Variants in HDAC11 observed in about 807,000 individuals in gnomAD.
HDAC11 encodes histone deacetylase 11.
In HDAC11, 23 loss-of-function variants were observed where a neutral mutation model predicts 41.1. The observed-to-expected ratio is 0.56, with a 90% CI of 0.40 to 0.79. HDAC11 has a LOEUF of 0.79. Among genes scored for constraint, HDAC11 ranks in the 30% least tolerant of loss-of-function variants. The pLI is 0.00. For synonymous variants in HDAC11, 187 were observed against 186.6 expected (o/e 1.00, Z -0.02); for missense variants, 402 against 477.3 (o/e 0.84, Z 1.47).
At chr3:13,497,199 A>C (rs80339857) in intron 4 of HDAC11, among the ~76,000 whole-genome samples, 4,876 of 147,870 alleles carry the variant, frequency 0.033, 322 homozygotes, top group East Asian at 0.27. Context: ...TTTTTTTTTG[A>C]GTAGAGTCTC....
intron 3 of HDAC11, among the ~76,000 whole-genome samples, chr3:13,486,043 G>A (rs1165018647): frequency 6.6e-6 from 1 of 151,942 alleles, no homozygotes; most frequent in African/African-American, 2.4e-5. Flanking sequence ...CGAGGCGGGC[G>A]GATCACTTGA....
intron 5 of HDAC11, 103 bp downstream of exon 5, chr3:13,498,658 G>T: frequency 8.0e-7 from 1 of 1,257,516 alleles, no homozygotes. Flanking sequence ...TGGCAGCTGT[G>T]AATTCAGAAG....
chr3:13,486,889 G>A (rs941062170), intron 3 of HDAC11, among the ~76,000 whole-genome samples: 2 of 152,126 alleles, frequency 1.3e-5, no homozygotes, highest in Non-Finnish European at 2.9e-5. Context: ...CTCATGTATA[G>A]CTTTGAAGGA....
At chr3:13,503,203 C>A in intron 8 of HDAC11, 7 of 347,846 alleles carry the variant, frequency 2.0e-5, no homozygotes, top group East Asian at 4.6e-5. Flanking sequence ...ATTTGTCTGG[C>A]AAAAAACAGG....
intron 5 of HDAC11, among the ~76,000 whole-genome samples, chr3:13,498,818 C>A (rs1702226299): frequency 2.0e-5 from 3 of 152,154 alleles, no homozygotes; most frequent in South Asian, 4.1e-4. Flanking sequence ...CCCCAGCCCC[C>A]TCTTTGCGTA....
chr3:13,501,864 C>T lies in HDAC11; in HGVS notation c.490-7C>T. On this transcript the variant is annotated splice_region_variant and splice_polypyrimidine_tract_variant and intron_variant, in intron 6 of 9. Transcript: ENST00000295757. ...GATCCTCATGTCTACCCTCTCCTCC[C>T]TGGCAGTTTCTGTTTGAGCGTGTGG... 6.2e-7 allele frequency: 1 copy of T among 1,613,850 alleles called. No individual in the cohort carries two copies. The highest frequency in any genetic ancestry group is 8.5e-7 in the Non-Finnish European group (1 of 1,179,788).
At chr3:13,503,949 T>C in intron 8 of HDAC11, 145 bp from the exon 9 acceptor site, 1 of 731,478 alleles carries the variant, frequency 1.4e-6, no homozygotes, top group Non-Finnish European at 2.3e-6. Context: ...CTTGGTGCTC[T>C]TTTCACCTTA....
chr3:13,493,938 T>A (rs1041822844), intron 3 of HDAC11, among the ~76,000 whole-genome samples: 1 of 152,190 alleles, frequency 6.6e-6, no homozygotes, highest in African/African-American at 2.4e-5. Flanking sequence ...TTAGTGTGTG[T>A]GACTTAAAAG....
At chr3:13,483,287 AC>A (rs1474406047) in intron 2 of HDAC11, among the ~76,000 whole-genome samples, 176 bp from the exon 3 acceptor site, 2 of 152,060 alleles carry the variant, frequency 1.3e-5, no homozygotes, top group Admixed American at 6.5e-5. Flanking sequence ...GGGACTGGCC[AC>A]TGTCCACAGT....
At chr3:13,491,102 G>A (rs1002109226) in intron 3 of HDAC11, among the ~76,000 whole-genome samples, 2 of 149,642 alleles carry the variant, frequency 1.3e-5, no homozygotes, top group South Asian at 4.2e-4. Flanking sequence ...GTGTGTGTGT[G>A]TGTGTGTGTG....
At chr3:13,494,239 C>CAGGG (rs906933224) in intron 3 of HDAC11, among the ~76,000 whole-genome samples, 15 of 152,176 alleles carry the variant, frequency 9.9e-5, no homozygotes, top group African/African-American at 3.4e-4. Context: ...GCTGGCTTCC[C>CAGGG]AGGGAGGGAG....
Position 13,500,721 on chromosome 3 carries a change from T to A in HDAC11, c.421T>A (p.Phe141Ile). Residue 141 changes from phenylalanine to isoleucine, a missense_variant, in exon 6 of 10, where the codon TTC becomes ATC. Transcript: ENST00000295757. The stretch of plus-strand genomic sequence containing the variant: ...TCTCTGCCCTTCCGCAGGGGGTGGC[T>A]TCCACCACTGCTCCAGCGACCGTGG... ...RGWAINVGGG[F>I]HHCSSDRGGG... 1.3e-6 allele frequency: 2 copies of A among 1,594,522 alleles called. No individual in the cohort carries two copies. Among genetic ancestry groups the A allele is most frequent in the Non-Finnish European group, 1.7e-6 (2 of 1,169,986 alleles).
intron 3 of HDAC11, among the ~76,000 whole-genome samples, chr3:13,484,533 AT>A (rs5846808): frequency 7.3e-5 from 11 of 149,926 alleles, no homozygotes; most frequent in Non-Finnish European, 1.3e-4. Context: ...ACATTTCCTG[AT>A]TTTTTTTTTG....
intron 2 of HDAC11, 72 bp from the exon 3 acceptor site, chr3:13,483,392 T>G: frequency 7.8e-7 from 1 of 1,287,462 alleles, no homozygotes; most frequent in Non-Finnish European, 1.1e-6. Flanking sequence ...GTCTGCAGCC[T>G]GTGGGAGGGT....
In HDAC11 at chr3:13,496,791, A is replaced by G. The variant is rs1223260698; in HGVS notation, c.308A>G (p.Asn103Ser). 1 of 1,598,972 alleles carries G rather than the reference A, an allele frequency of 6.3e-7. No homozygotes were observed. The highest frequency in any genetic ancestry group is 1.3e-5 in the African/African-American group (1 of 74,180). The change falls in exon 4 of 10, where the codon AAC (asparagine) becomes AGC (serine). Residue 103 changes from asparagine (N) to serine (S), a missense_variant. Asn to Ser is a conservative substitution (Grantham distance 46). Coordinates refer to ENST00000295757, the MANE Select transcript of HDAC11 (RefSeq NM_024827.4). ...ATCCCCCCCGTTATCTTCCTCCCCAACTTCCTTGTGCAGAGGAAGGTGCTG... is the reference window on the plus strand; with the variant it reads ...ATCCCCCCCGTTATCTTCCTCCCCAGCTTCCTTGTGCAGAGGAAGGTGCTG... ...TEIPPVIFLP[N>S]FLVQRKVLRP...
In HDAC11 at chr3:13,504,456, T is replaced by G. The variant is rs1702521089; in HGVS notation, c.829-12T>G. ...CTGGCCTGCCTGAGTCACCCTCCTC[T>G]TCCCCTAACAGGGCATCGTGAAGCG... On this transcript the variant is annotated splice_polypyrimidine_tract_variant and intron_variant, in intron 9 of 9. Coordinates refer to ENST00000295757, the MANE Select transcript of HDAC11 (RefSeq NM_024827.4). 6.2e-7 allele frequency: 1 copy of G among 1,612,592 alleles called. No individual in the cohort carries two copies. The highest frequency in any genetic ancestry group is 1.3e-5 in the African/African-American group (1 of 74,938).
At chr3:13,490,278 C>T (rs1352153111) in intron 3 of HDAC11, among the ~76,000 whole-genome samples, 1 of 152,166 alleles carries the variant, frequency 6.6e-6, no homozygotes, top group Non-Finnish European at 1.5e-5. Flanking sequence ...AGGCATGAGC[C>T]ACCGTGCCCA....
chr3:13,487,926 G>T (rs1204777186), intron 3 of HDAC11, among the ~76,000 whole-genome samples: 1 of 152,010 alleles, frequency 6.6e-6, no homozygotes, highest in African/African-American at 2.4e-5. Flanking sequence ...GGGAGAGCTG[G>T]TGAGAGGATG....
chr3:13,501,525 C>T (rs1574913475), intron 6 of HDAC11: 1 of 482,684 alleles, frequency 2.1e-6, no homozygotes, highest in East Asian at 5.1e-5. Context: ...ACTGAAGTCC[C>T]AGGGCTGTGG....
Sources: gnomAD v4.1 joint callset for allele counts (sites outside exome capture counted in the v4.1 genomes callset) on GRCh38, gnomAD v4.1.1 for gene constraint, MANE v1.5 for transcripts, NCBI Gene and HGNC (gene_info 2026-07-23, HGNC 2026-07-21) for gene names.